Variants in PPP2R2B observed in about 807,000 individuals in gnomAD.
PPP2R2B encodes serine/threonine-protein phosphatase 2A 55 kDa regulatory subunit B beta isoform.
PPP2R2B carries 5 observed loss-of-function variants against 46.0 expected under a neutral mutation model. That is an observed-to-expected ratio of 0.11 (90% confidence interval 0.06 to 0.23). The LOEUF is 0.23. Ranked by LOEUF, PPP2R2B falls within the 10% of genes least tolerant of loss-of-function variation. The probability of loss-of-function intolerance (pLI) is 1.00; values close to 1 mark genes in which losing one functional copy is unlikely to be tolerated. For synonymous variants in PPP2R2B, 215 were observed against 206.7 expected (o/e 1.04, Z -0.34); for missense variants, 367 against 575.0 (o/e 0.64, Z 3.70).
intron 7 of PPP2R2B, among the ~76,000 whole-genome samples, chr5:146,601,895 T>C (rs1425961940): frequency 6.6e-6 from 1 of 152,224 alleles, no homozygotes; most frequent in Non-Finnish European, 1.5e-5. Flanking sequence ...CTCAATAGCT[T>C]CAGCTGATTT....
chr5:146,967,447 A>G (rs528741123), intron 1 of PPP2R2B, among the ~76,000 whole-genome samples: 3 of 152,266 alleles, frequency 2.0e-5, no homozygotes, highest in South Asian at 4.1e-4. Flanking sequence ...TATTATTCCT[A>G]TTTTATAAAT....
chr5:146,900,011 T>C (rs1331069297), intron 1 of PPP2R2B, among the ~76,000 whole-genome samples: 1 of 152,164 alleles, frequency 6.6e-6, no homozygotes, highest in Non-Finnish European at 1.5e-5. Context: ...AACAATGAAA[T>C]GACAGCTTCA....
At chr5:147,072,011 C>G (rs552915075) in intron 2 of PPP2R2B, among the ~76,000 whole-genome samples, 137 of 152,304 alleles carry the variant, frequency 9.0e-4, no homozygotes, top group African/African-American at 3.2e-3. Context: ...AGACAGTCAA[C>G]CATGTCTTAA....
At chr5:146,893,594 C>T (rs771715040) in intron 1 of PPP2R2B, among the ~76,000 whole-genome samples, 9 of 151,894 alleles carry the variant, frequency 5.9e-5, no homozygotes, top group South Asian at 2.1e-4. Context: ...CTCAGGTGGG[C>T]GGATCATTTG....
chr5:146,674,998 C>T (rs1400683702), intron 5 of PPP2R2B, among the ~76,000 whole-genome samples: 1 of 152,152 alleles, frequency 6.6e-6, no homozygotes, highest in Non-Finnish European at 1.5e-5. Context: ...GAGTCTCGCT[C>T]TGTTGCCAGG....
At chr5:146,891,997 T>C (rs755054736) in intron 1 of PPP2R2B, among the ~76,000 whole-genome samples, 4 of 152,210 alleles carry the variant, frequency 2.6e-5, no homozygotes, top group Non-Finnish European at 5.9e-5. Flanking sequence ...GGAAGACTCA[T>C]GGAGCGATTA....
intron 1 of PPP2R2B, among the ~76,000 whole-genome samples, chr5:146,959,591 G>T (rs950824195): frequency 1.3e-5 from 2 of 152,138 alleles, no homozygotes; most frequent in South Asian, 4.1e-4. Flanking sequence ...GCAGGGTTGG[G>T]GGGCAGGAGC....
chr5:147,018,177 A>G (rs1348450317), intron 1 of PPP2R2B, among the ~76,000 whole-genome samples: 1 of 152,118 alleles, frequency 6.6e-6, no homozygotes, highest in Admixed American at 6.6e-5. Context: ...TGTCAAATAT[A>G]TAAAGTACTA....
intron 1 of PPP2R2B, chr5:147,081,211 A>G: frequency 6.5e-7 from 1 of 1,535,632 alleles, no homozygotes; most frequent in Non-Finnish European, 8.7e-7. Context: ...ACAAGAAAAG[A>G]AATATATAGC....
intron 2 of PPP2R2B, among the ~76,000 whole-genome samples, chr5:146,742,155 G>T (rs113935576): frequency 6.6e-6 from 1 of 152,160 alleles, no homozygotes; most frequent in South Asian, 2.1e-4. Flanking sequence ...AACAGCCGCC[G>T]GGGGGAACTT....
chr5:146,873,194 G>A (rs1301177379), intron 2 of PPP2R2B, among the ~76,000 whole-genome samples: 3 of 152,078 alleles, frequency 2.0e-5, no homozygotes, highest in African/African-American at 7.2e-5. Context: ...TTCTCCATCT[G>A]CACCCAATCA....
chr5:146,618,180 C>T (rs137889057), intron 7 of PPP2R2B, among the ~76,000 whole-genome samples: 34 of 152,226 alleles, frequency 2.2e-4, no homozygotes, highest in African/African-American at 7.9e-4. Context: ...AGTGTAATGA[C>T]CATGGTCCTT....
In PPP2R2B at chr5:146,593,019, T is replaced by C; in HGVS notation, c.1004A>G (p.Asn335Ser). 1 of 1,614,074 alleles carries C rather than the reference T, an allele frequency of 6.2e-7. No homozygotes were observed. Among genetic ancestry groups the C allele is most frequent in the Non-Finnish European group, 8.5e-7 (1 of 1,179,916 alleles). Residue 335 changes from asparagine to serine, a missense_variant, in exon 9 of 10, where the codon AAT (asparagine) becomes AGT (serine). This residue lies in a region of PPP2R2B where 361 missense variants were observed against 545.5 expected (regional missense o/e 0.66). Transcript: ENST00000394411. The stretch of plus-strand genomic sequence containing the variant: ...CTCAAATTTATCAAAAATGCAGTCA[T>C]TTTCATAGAGGGAACACAGCTTGCT... ...LRSKLCSLYE[N>S]DCIFDKFECV... is the part of the protein sequence containing the mutation.
intron 5 of PPP2R2B, among the ~76,000 whole-genome samples, chr5:146,677,443 G>T (rs1777809607): frequency 6.6e-6 from 1 of 151,966 alleles, no homozygotes; most frequent in Admixed American, 6.6e-5. Context: ...TTGTTTGTTT[G>T]TTTGCGGTTC....
rs75838600 is a variant in PPP2R2B, at chr5:147,055,450, C to T, written c.79+215G>A. Among the ~76,000 whole-genome samples, 875 of 152,330 alleles carry T rather than the reference C, an allele frequency of 5.7e-3. 8 individuals carry two copies. Among genetic ancestry groups the T allele is most frequent in the African/African-American group, 0.019 (803 of 41,578 alleles). On this transcript the variant is annotated intron_variant, in intron 1 of 8. Transcript: ENST00000336640. ...AGCTGTGTCAGCTTTGAGATTACCT[C>T]TGCAACATTATTCTGTTCTTCAGAA...
chr5:146,834,585 C>A (rs939834740), intron 2 of PPP2R2B, among the ~76,000 whole-genome samples: 3 of 152,140 alleles, frequency 2.0e-5, no homozygotes, highest in African/African-American at 7.2e-5. Context: ...TATGAAAAGT[C>A]ATACATCTTT....
intron 5 of PPP2R2B, among the ~76,000 whole-genome samples, chr5:146,689,267 T>C (rs1176880178): frequency 6.6e-6 from 1 of 152,108 alleles, no homozygotes; most frequent in Non-Finnish European, 1.5e-5. Flanking sequence ...ACTATCATCA[T>C]CCCCGTTATA....
At chr5:146,903,535 A>G (rs976892788) in intron 1 of PPP2R2B, among the ~76,000 whole-genome samples, 1 of 151,796 alleles carries the variant, frequency 6.6e-6, no homozygotes, top group East Asian at 1.9e-4. Flanking sequence ...AGCCGGGACT[A>G]TAGGTGCATG....
intron 2 of PPP2R2B, among the ~76,000 whole-genome samples, chr5:146,871,527 T>C (rs890397451): frequency 2.6e-5 from 4 of 152,218 alleles, no homozygotes; most frequent in Non-Finnish European, 2.9e-5. Flanking sequence ...ACAGAAGAAA[T>C]CTACAGGAGT....
Sources: allele counts gnomAD v4.1 joint callset (sites outside exome capture counted in the v4.1 genomes callset), GRCh38; gene constraint gnomAD v4.1.1; regional missense constraint gnomAD v4.1.1; transcripts MANE v1.5; gene names NCBI Gene and HGNC (gene_info 2026-07-23, HGNC 2026-07-21).